Variants in SPPL3 observed in about 807,000 individuals in gnomAD.
The protein encoded by SPPL3 is signal peptide peptidase like 3.
SPPL3 carries 5 observed loss-of-function variants against 42.4 expected under a neutral mutation model. The observed-to-expected ratio is 0.12, with a 90% confidence interval of 0.06 to 0.25. SPPL3 has a LOEUF of 0.25. SPPL3 is among the 10% of genes least tolerant of loss of function. The probability of loss-of-function intolerance (pLI) is 1.00; values close to 1 mark genes in which losing one functional copy is unlikely to be tolerated. For missense variants in SPPL3, 235 were observed against 489.0 expected (o/e 0.48, Z 4.90); for synonymous variants, 195 against 181.8 (o/e 1.07, Z -0.58).
chr12:120,821,201 G>T lies in SPPL3; in HGVS notation c.24-10315C>A, dbSNP rs556287753. Among the ~76,000 whole-genome samples, 7 of 152,312 alleles carry T rather than the reference G, an allele frequency of 4.6e-5. No homozygotes were observed. In the South Asian group the frequency reaches 1.4e-3, roughly 32 times the overall value. ...GATAAGAAAGGATTTATTGCCGGGG[G>T]CGGGGAGAGGGATTGAAACAGAAAG... On this transcript the variant is annotated intron_variant, in intron 1 of 10. Coordinates refer to ENST00000353487, the MANE Select transcript of SPPL3 (RefSeq NM_139015.5).
chr12:120,842,209 G>T (rs542913774), intron 1 of SPPL3, among the ~76,000 whole-genome samples: 1 of 152,136 alleles, frequency 6.6e-6, no homozygotes, highest in Non-Finnish European at 1.5e-5. Flanking sequence ...CATTTTTTAG[G>T]TAGATAAGAA....
At chr12:120,778,665 T>G (rs1318961268) in intron 6 of SPPL3, among the ~76,000 whole-genome samples, 3 of 152,258 alleles carry the variant, frequency 2.0e-5, no homozygotes, top group African/African-American at 2.4e-5. Context: ...TATATTTGTA[T>G]GCTTTACAAT....
At chr12:120,831,399 TG>T (rs1871421659) in intron 1 of SPPL3, among the ~76,000 whole-genome samples, 1 of 152,212 alleles carries the variant, frequency 6.6e-6, no homozygotes, top group Non-Finnish European at 1.5e-5. Flanking sequence ...AAATTAAGCA[TG>T]TTTCCTTTTA....
At chr12:120,798,153 C>A (rs1430861007) in intron 2 of SPPL3, among the ~76,000 whole-genome samples, 13 of 152,178 alleles carry the variant, frequency 8.5e-5, no homozygotes, top group Admixed American at 8.5e-4. Context: ...ATGTGGTGGA[C>A]TCCCTGAAAC....
chr12:120,864,958 T>G (rs1872717177), intron 1 of SPPL3, among the ~76,000 whole-genome samples: 2 of 152,320 alleles, frequency 1.3e-5, no homozygotes, highest in South Asian at 4.1e-4. Context: ...CACACTTTGG[T>G]GCCACTGCCT....
chr12:120,851,718 C>A (rs1872231077), intron 1 of SPPL3, among the ~76,000 whole-genome samples: 2 of 152,132 alleles, frequency 1.3e-5, no homozygotes. Context: ...ATACTCCCAG[C>A]TCATCCTCCT....
intron 1 of SPPL3, among the ~76,000 whole-genome samples, chr12:120,894,910 G>A (rs916099786): frequency 3.9e-5 from 6 of 151,988 alleles, no homozygotes; most frequent in East Asian, 3.9e-4. Context: ...TCGTGCCACC[G>A]CACTCCAGCC....
chr12:120,776,088 A>C (rs1869304169), intron 6 of SPPL3, among the ~76,000 whole-genome samples: 1 of 152,204 alleles, frequency 6.6e-6, no homozygotes, highest in African/African-American at 2.4e-5. Context: ...ACAAACGAAA[A>C]GCTCAAAGGC....
chr12:120,865,591 T>C (rs1326961486), intron 1 of SPPL3, among the ~76,000 whole-genome samples: 2 of 152,248 alleles, frequency 1.3e-5, no homozygotes, highest in African/African-American at 2.4e-5. Flanking sequence ...TATTACTGTA[T>C]TTATTAGTAT....
chr12:120,855,815 G>A (rs1385699846), intron 1 of SPPL3, among the ~76,000 whole-genome samples: 1 of 152,136 alleles, frequency 6.6e-6, no homozygotes, highest in Admixed American at 6.5e-5. Flanking sequence ...TCATGCAAAT[G>A]AATGGGGGTG....
chr12:120,805,540 G>A (rs544215287), intron 2 of SPPL3, among the ~76,000 whole-genome samples: 1 of 152,306 alleles, frequency 6.6e-6, no homozygotes, highest in South Asian at 2.1e-4. Context: ...AAAAGACAAA[G>A]TCTTTCAGAA....
intron 1 of SPPL3, among the ~76,000 whole-genome samples, chr12:120,817,270 G>A (rs1289154641): frequency 1.3e-5 from 2 of 152,230 alleles, no homozygotes; most frequent in African/African-American, 4.8e-5. Flanking sequence ...ACTTCAGCCT[G>A]GGTGACAGAG....
intron 1 of SPPL3, among the ~76,000 whole-genome samples, chr12:120,866,828 C>T (rs1872767258): frequency 6.6e-6 from 1 of 152,150 alleles, no homozygotes; most frequent in Non-Finnish European, 1.5e-5. Flanking sequence ...TTTTTGACAT[C>T]TTTGGGACTG....
intron 1 of SPPL3, among the ~76,000 whole-genome samples, chr12:120,816,505 A>T (rs536648154): frequency 6.6e-6 from 1 of 152,258 alleles, no homozygotes; most frequent in South Asian, 2.1e-4. Flanking sequence ...TATCATTATA[A>T]AAGTTTTTGT....
chr12:120,768,122 A>T (rs892617393), intron 8 of SPPL3, among the ~76,000 whole-genome samples: 3 of 152,220 alleles, frequency 2.0e-5, no homozygotes, highest in African/African-American at 7.2e-5. Flanking sequence ...TGCTGACATT[A>T]ATCAATAATA....
At chr12:120,821,918 A>C (rs1344852441) in intron 1 of SPPL3, among the ~76,000 whole-genome samples, 1 of 152,220 alleles carries the variant, frequency 6.6e-6, no homozygotes, top group Non-Finnish European at 1.5e-5. Context: ...TCATCCTTAA[A>C]AAAGAAGAAA....
chr12:120,770,421 T>C (rs1869072868), intron 6 of SPPL3, among the ~76,000 whole-genome samples: 1 of 152,176 alleles, frequency 6.6e-6, no homozygotes, highest in Non-Finnish European at 1.5e-5. Context: ...CTATCCCATA[T>C]ATTTCCCATA....
At chr12:120,843,613 G>A (rs1022794973) in intron 1 of SPPL3, among the ~76,000 whole-genome samples, 72 of 152,272 alleles carry the variant, frequency 4.7e-4, no homozygotes, top group Middle Eastern at 3.4e-3. Context: ...TCTTCCCAGT[G>A]TACACAATTT....
intron 2 of SPPL3, among the ~76,000 whole-genome samples, chr12:120,798,093 C>G (rs1335298735): frequency 6.6e-6 from 1 of 152,166 alleles, no homozygotes; most frequent in Non-Finnish European, 1.5e-5. Context: ...TGGAGGGCAG[C>G]CCCAGTGGGT....
Sources: allele counts gnomAD v4.1 joint callset (sites outside exome capture counted in the v4.1 genomes callset), GRCh38; gene constraint gnomAD v4.1.1; transcripts MANE v1.5; gene names NCBI Gene and HGNC (gene_info 2026-07-23, HGNC 2026-07-21).